The following PPM1H variants were observed in gnomAD, a reference collection of about 807,000 sequenced individuals.
PPM1H encodes the protein protein phosphatase, Mg2+/Mn2+ dependent 1H, also known as protein phosphatase 1H.
A neutral mutation model predicts 54.9 loss-of-function variants in PPM1H; 27 were observed. The observed-to-expected ratio is 0.49, with a 90% CI of 0.36 to 0.68. The LOEUF is 0.68. PPM1H is among the 30% of genes least tolerant of loss of function. PPM1H has a pLI of 0.00. For synonymous variants in PPM1H, 305 were observed against 270.8 expected (o/e 1.13, Z -1.24); for missense variants, 596 against 667.8 (o/e 0.89, Z 1.19).
chr12:62,740,505 T>C lies in PPM1H; in HGVS notation c.870-2919A>G, dbSNP rs1365554833. Among the ~76,000 whole-genome samples, 8 of 152,162 alleles carry C rather than the reference T, an allele frequency of 5.3e-5. No homozygotes were observed. In the East Asian group the frequency reaches 1.5e-3, roughly 29 times the overall value. On this transcript the variant is annotated intron_variant, in intron 4 of 9. Transcript: ENST00000228705. The stretch of plus-strand genomic sequence containing the variant: ...CCCTGGGTGCTCTCATTCCCTAAAT[T>C]CTCAGCCACCAAGGTTAGGTTAGGT...
chr12:62,860,092 A>C (rs1565812208), intron 1 of PPM1H, among the ~76,000 whole-genome samples: 1 of 152,202 alleles, frequency 6.6e-6, no homozygotes, highest in Admixed American at 6.5e-5. Flanking sequence ...ACAGTTCCAC[A>C]TGGCTGGGGA....
intron 1 of PPM1H, among the ~76,000 whole-genome samples, chr12:62,900,686 A>G (rs1592662614): frequency 6.6e-6 from 1 of 151,988 alleles, no homozygotes; most frequent in East Asian, 1.9e-4. Flanking sequence ...ACAGGCCAAC[A>G]TTGTCCTTAT....
chr12:62,879,790 A>G (rs1870324739), intron 1 of PPM1H, among the ~76,000 whole-genome samples: 1 of 152,088 alleles, frequency 6.6e-6, no homozygotes, highest in African/African-American at 2.4e-5. Flanking sequence ...AAAAAATAAA[A>G]AAAGAATGTT....
intron 1 of PPM1H, among the ~76,000 whole-genome samples, chr12:62,901,397 A>G (rs1304109956): frequency 6.6e-6 from 1 of 152,246 alleles, no homozygotes; most frequent in African/African-American, 2.4e-5. Flanking sequence ...GTCTAGTTTC[A>G]TTAAAAGCTT....
chr12:62,826,270 C>T (rs1370629765), intron 2 of PPM1H, among the ~76,000 whole-genome samples: 2 of 152,034 alleles, frequency 1.3e-5, no homozygotes, highest in Admixed American at 6.6e-5. Flanking sequence ...GCCAACATGG[C>T]GAAACCCTGT....
intron 4 of PPM1H, among the ~76,000 whole-genome samples, chr12:62,749,266 C>T (rs1202746799): frequency 6.6e-6 from 1 of 152,240 alleles, no homozygotes; most frequent in Non-Finnish European, 1.5e-5. Flanking sequence ...ATTACACACT[C>T]TTTCAGCTGA....
At chr12:62,771,130 A>G (rs1248111917) in intron 4 of PPM1H, among the ~76,000 whole-genome samples, 1 of 147,226 alleles carries the variant, frequency 6.8e-6, no homozygotes, top group African/African-American at 2.5e-5. Flanking sequence ...GGCTTTTTAA[A>G]GGCTTTGTTG....
At chr12:62,739,076 T>A (rs1334986725) in intron 4 of PPM1H, among the ~76,000 whole-genome samples, 1 of 144,356 alleles carries the variant, frequency 6.9e-6, no homozygotes, top group Non-Finnish European at 1.5e-5. Context: ...CTTATGACTC[T>A]AGGAAAAAAA....
Position 62,934,481 on chromosome 12 carries a change from G to T in PPM1H, c.245+11C>A. 1 of 1,536,514 alleles carries T rather than the reference G, an allele frequency of 6.5e-7. No homozygotes were observed. ...GGAGAGCAGGGGCGCCGCCGGTGTC[G>T]CTGCACTCACTCTGCGTAGCCAGTG... On this transcript the variant is annotated intron_variant, in intron 1 of 9. Coordinates refer to ENST00000228705, the MANE Select transcript of PPM1H (RefSeq NM_020700.2). The surrounding 1 kb of genome is among the most constrained non-coding windows in gnomAD (Gnocchi z 4.2).
intron 9 of PPM1H, among the ~76,000 whole-genome samples, chr12:62,658,216 T>TAAAA (rs1240179290): frequency 2.0e-5 from 2 of 101,618 alleles, no homozygotes; most frequent in Non-Finnish European, 4.0e-5. Context: ...TTTTTTTAAG[T>TAAAA]AAAAAAGAAG....
chr12:62,780,798 T>A (rs1313189971), intron 4 of PPM1H, among the ~76,000 whole-genome samples: 1 of 152,114 alleles, frequency 6.6e-6, no homozygotes. Flanking sequence ...TGGGCTCGAG[T>A]GGGCAAACAC....
intron 3 of PPM1H, among the ~76,000 whole-genome samples, chr12:62,790,476 G>A (rs1228492458): frequency 2.0e-5 from 3 of 152,170 alleles, no homozygotes; most frequent in Non-Finnish European, 1.5e-5. Context: ...GGAGGCTGAG[G>A]ACAGAGGATC....
chr12:62,884,501 C>CAAAAAAAAA (rs6144736), intron 1 of PPM1H, among the ~76,000 whole-genome samples: 6 of 89,878 alleles, frequency 6.7e-5, no homozygotes, highest in African/African-American at 1.6e-4. Flanking sequence ...AACTCCATAT[C>CAAAAAAAAA]AAAAAAAAAA....
chr12:62,657,936 G>A (rs385308), intron 9 of PPM1H, among the ~76,000 whole-genome samples: 1 of 151,426 alleles, frequency 6.6e-6, no homozygotes, highest in African/African-American at 2.4e-5. Context: ...TCTCATTAGA[G>A]ACATACTCTG....
intron 4 of PPM1H, among the ~76,000 whole-genome samples, chr12:62,774,292 T>C (rs532243323): frequency 6.6e-6 from 1 of 152,322 alleles, no homozygotes; most frequent in East Asian, 1.9e-4. Flanking sequence ...CAGTGTTTTT[T>C]CCATTGCTGT....
chr12:62,847,494 C>A (rs1338440567), intron 1 of PPM1H, among the ~76,000 whole-genome samples: 1 of 152,102 alleles, frequency 6.6e-6, no homozygotes, highest in African/African-American at 2.4e-5. Flanking sequence ...CAGTCAAGTA[C>A]CTACTAAATG....
At chr12:62,880,110 G>C (rs1218565665) in intron 1 of PPM1H, among the ~76,000 whole-genome samples, 1 of 152,134 alleles carries the variant, frequency 6.6e-6, no homozygotes, top group Non-Finnish European at 1.5e-5. Flanking sequence ...AGGAGAGAGA[G>C]AGAAAAAAGT....
chr12:62,665,109 G>A (rs761469379), intron 9 of PPM1H, among the ~76,000 whole-genome samples: 8 of 151,826 alleles, frequency 5.3e-5, no homozygotes, highest in Admixed American at 1.3e-4. Flanking sequence ...GTGCAGTGGC[G>A]TGATCTCAAC....
chr12:62,781,378 C>T lies in PPM1H; in HGVS notation c.869+6848G>A, dbSNP rs149836609. 2.5e-3 allele frequency among the ~76,000 whole-genome samples: 386 copies of T among 152,318 alleles called. 1 individual carries two copies. Among genetic ancestry groups the T allele is most frequent in the African/African-American group, 8.9e-3 (368 of 41,572 alleles). ...AGGCTGCAGAGTGGAAGGGGAGACACGGGTTCCAGGAGCTTGCCCTGCGTG... is the reference window on the plus strand; with the variant it reads ...AGGCTGCAGAGTGGAAGGGGAGACATGGGTTCCAGGAGCTTGCCCTGCGTG... On this transcript the variant is annotated intron_variant, in intron 4 of 9. Coordinates refer to ENST00000228705, the MANE Select transcript of PPM1H (RefSeq NM_020700.2).
Sources: gnomAD v4.1 joint callset for allele counts (sites outside exome capture counted in the v4.1 genomes callset) on GRCh38, gnomAD v4.1.1 for gene constraint, Gnocchi (gnomAD v3.1) non-coding constraint, MANE v1.5 for transcripts, NCBI Gene and HGNC (gene_info 2026-07-23, HGNC 2026-07-21) for gene names.